TKT: variants seen among roughly 807,000 people sequenced by gnomAD.
TKT encodes transketolase, also known as epididymis luminal protein 107.
A neutral mutation model predicts 63.9 loss-of-function variants in TKT; 47 were observed. That is an observed-to-expected ratio of 0.74 (90% CI 0.58 to 0.94). The LOEUF (loss-of-function observed/expected upper bound fraction) is 0.94. Ranked by LOEUF, TKT falls within the 40% of genes least tolerant of loss-of-function variation. The probability of loss-of-function intolerance (pLI) is 0.00; values close to 1 mark genes in which losing one functional copy is unlikely to be tolerated. For missense variants in TKT, 721 were observed against 846.2 expected (o/e 0.85, Z 1.84); for synonymous variants, 338 against 334.1 (o/e 1.01, Z -0.13).
chr3:53,233,454 T>C, intron 5 of TKT, 180 bp from the exon 6 acceptor site: 2 of 510,580 alleles, frequency 3.9e-6, no homozygotes, highest in South Asian at 5.9e-5. Context: ...GTTTTTTAAA[T>C]CCTTTTCTTT....
At chr3:53,234,868 C>T in intron 5 of TKT, 115 bp downstream of exon 5, 2 of 1,098,916 alleles carry the variant, frequency 1.8e-6, no homozygotes. Flanking sequence ...AGAAAGGGAC[C>T]TTTAGATGGT....
chr3:53,227,837 A>C, intron 12 of TKT: 1 of 509,564 alleles, frequency 2.0e-6, no homozygotes, highest in Non-Finnish European at 3.5e-6. Flanking sequence ...GTCATAGGGT[A>C]GGGACTGTGG....
chr3:53,246,619 G>A (rs1191107433), intron 1 of TKT, among the ~76,000 whole-genome samples: 1 of 152,106 alleles, frequency 6.6e-6, no homozygotes, highest in African/African-American at 2.4e-5. Context: ...TTGGGAGGCC[G>A]AGGAGGGCAG....
At chr3:53,236,229 G>A (rs1286091395) in intron 4 of TKT, among the ~76,000 whole-genome samples, 2 of 152,222 alleles carry the variant, frequency 1.3e-5, no homozygotes, top group African/African-American at 4.8e-5. Context: ...GCTCCTGCAG[G>A]AAAAGGCCCT....
At chr3:53,242,537 A>G (rs916490018) in intron 1 of TKT, among the ~76,000 whole-genome samples, 2 of 152,046 alleles carry the variant, frequency 1.3e-5, no homozygotes, top group African/African-American at 2.4e-5. Context: ...GGACTTGAGT[A>G]AGAAGGAAGG....
chr3:53,254,505 AC>A (rs1337455587), intron 1 of TKT, among the ~76,000 whole-genome samples: 1 of 152,240 alleles, frequency 6.6e-6, no homozygotes, highest in Non-Finnish European at 1.5e-5. Flanking sequence ...AGAAAGGTGA[AC>A]AGATTTACTT....
intron 1 of TKT, among the ~76,000 whole-genome samples, chr3:53,255,298 A>C (rs1194800597): frequency 6.6e-6 from 1 of 152,150 alleles, no homozygotes; most frequent in Non-Finnish European, 1.5e-5. Context: ...GAGGAATTAA[A>C]AACAGGGTCT....
At chr3:53,247,217 C>T (rs1244417608) in intron 1 of TKT, among the ~76,000 whole-genome samples, 1 of 151,252 alleles carries the variant, frequency 6.6e-6, no homozygotes. Flanking sequence ...ATTAGTTGGG[C>T]ATGGTGGTGG....
chr3:53,233,083 G>A lies in TKT; in HGVS notation c.748+73C>T, dbSNP rs1704841391. On this transcript the variant is annotated intron_variant, in intron 6 of 13. Coordinates refer to ENST00000462138, the MANE Select transcript of TKT (RefSeq NM_001064.4). ...CAGCAAGGGCTGTTTCCCTGGATGT[G>A]CGGGTCAGAGCTACGTAGCCACAGT... 10 of 1,292,274 alleles carry A rather than the reference G, an allele frequency of 7.7e-6. No homozygotes were observed. The South Asian group carries it at 1.3e-4, about 17-fold the overall frequency. 80.1% of individuals were successfully genotyped at this position (1,292,274 alleles called of 1,614,324 possible). A position where few individuals can be genotyped will look rare whatever the true frequency, so the allele number is the denominator to read the frequency against.
chr3:53,255,099 T>C (rs1553682092), intron 1 of TKT, among the ~76,000 whole-genome samples: 1 of 152,342 alleles, frequency 6.6e-6, no homozygotes, highest in Middle Eastern at 3.4e-3. Flanking sequence ...CTTTTCACAA[T>C]GGATCCCAGG....
intron 1 of TKT, 96 bp from the exon 2 acceptor site, chr3:53,242,338 G>T: frequency 8.3e-7 from 1 of 1,200,374 alleles, no homozygotes; most frequent in Non-Finnish European, 1.2e-6. Context: ...TGCATGTCCT[G>T]AGGAGTCACA....
chr3:53,245,992 G>A (rs1239333927), intron 1 of TKT, among the ~76,000 whole-genome samples: 9 of 152,084 alleles, frequency 5.9e-5, no homozygotes, highest in Non-Finnish European at 1.2e-4. Flanking sequence ...AACAGGCCGG[G>A]CACAGTGGCT....
At chr3:53,230,395 C>G in intron 8 of TKT, 62 bp downstream of exon 8, 1 of 1,605,232 alleles carries the variant, frequency 6.2e-7, no homozygotes, top group Non-Finnish European at 8.5e-7. Flanking sequence ...GGCTGCCCCG[C>G]ACCCCTCAGA....
intron 8 of TKT, among the ~76,000 whole-genome samples, 165 bp from the exon 9 acceptor site, chr3:53,229,601 C>T (rs570820907): frequency 2.0e-5 from 3 of 152,272 alleles, no homozygotes; most frequent in African/African-American, 7.2e-5. Flanking sequence ...GACCGGTCCT[C>T]CCAACCCCTC....
At position 53,233,200 on chromosome 3, in the gene TKT, G is replaced by A. The variant is rs781869148; in HGVS notation, c.704C>T (p.Pro235Leu). 1.2e-6 allele frequency: 2 copies of A among 1,613,804 alleles called. No homozygotes were observed. Among genetic ancestry groups the A allele is most frequent in the East Asian group, 2.2e-5 (1 of 44,886 alleles). ...GAAGGTCTTGGCAATGATGGCTGTT[G>A]GCTGGTGCTTGGCCTGGCCAAAGGC... ...CKAFGQAKHQ[P>L]TAIIAKTFKG... Residue 235 changes from proline to leucine, a missense_variant, in exon 6 of 14, where the codon CCA becomes CTA. Coordinates refer to ENST00000462138, the MANE Select transcript of TKT (RefSeq NM_001064.4).
intron 6 of TKT, chr3:53,231,782 G>A: frequency 3.7e-6 from 2 of 539,516 alleles, no homozygotes; most frequent in Non-Finnish European, 6.5e-6. Context: ...TCCTTTGGGA[G>A]CTCACAGCTG....
At chr3:53,240,920 G>C (rs1439827365) in intron 3 of TKT, among the ~76,000 whole-genome samples, 1 of 152,220 alleles carries the variant, frequency 6.6e-6, no homozygotes, top group Admixed American at 6.5e-5. Flanking sequence ...AGAGCACCCT[G>C]GCTGAGGCCT....
In TKT at chr3:53,230,555, C is replaced by T. The variant is rs782053022; in HGVS notation, c.1009G>A (p.Ala337Thr). Reference protein sequence around the residue: ...KLGHASDRIIALDGDTKNSTF... With the variant: ...KLGHASDRIITLDGDTKNSTF... ...GAATTTTTGGTGTCCCCATCCAGGG[C>T]GATGATGCGGTCACTGGCATGGCCC... Residue 337 changes from alanine to threonine, a missense_variant, in exon 8 of 14, where the codon GCC becomes ACC. By Grantham distance (58) the Ala-to-Thr change is moderately conservative (BLOSUM62 0). Transcript: ENST00000462138. 1.2e-5 allele frequency: 20 copies of T among 1,614,098 alleles called. No homozygotes were observed. The highest frequency in any genetic ancestry group is 1.6e-5 in the Non-Finnish European group (19 of 1,180,048).
intron 13 of TKT, 108 bp from the exon 14 acceptor site, chr3:53,226,039 G>C (rs1704485350): frequency 1.0e-6 from 1 of 1,004,778 alleles, no homozygotes; most frequent in Non-Finnish European, 1.4e-6. Context: ...CATATGCACT[G>C]CCTTTCTCCA....
Sources: allele counts gnomAD v4.1 joint callset (sites outside exome capture counted in the v4.1 genomes callset), GRCh38; gene constraint gnomAD v4.1.1; transcripts MANE v1.5; gene names NCBI Gene and HGNC (gene_info 2026-07-23, HGNC 2026-07-21).